The following NFATC1 variants were observed in gnomAD, a reference collection of about 807,000 sequenced individuals.
NFATC1 encodes the protein nuclear factor of activated T-cells, cytoplasmic 1.
In NFATC1, 22 loss-of-function variants were observed where a neutral mutation model predicts 76.0. The ratio of observed to expected loss-of-function variants is 0.29; its 90% confidence interval spans 0.21 to 0.41. The LOEUF (loss-of-function observed/expected upper bound fraction) is 0.41, where lower values mean the gene tolerates loss of function less well. NFATC1 is among the 10% of genes least tolerant of loss of function. NFATC1 has a pLI of 1.00. For synonymous variants in NFATC1, 704 were observed against 613.1 expected, an observed-to-expected ratio of 1.15 and a Z score of -2.19; for missense variants, 1,357 against 1,337.7, an observed-to-expected ratio of 1.01 and a Z score of -0.23.
chr18:79,476,018 G>A (rs1359084509), intron 8 of NFATC1, among the ~76,000 whole-genome samples: 2 of 152,228 alleles, frequency 1.3e-5, no homozygotes, highest in Non-Finnish European at 2.9e-5. Flanking sequence ...GCTCCAGAAG[G>A]GGGGTGGGGC....
intron 9 of NFATC1, among the ~76,000 whole-genome samples, chr18:79,492,517 G>A (rs2089709686): frequency 6.6e-6 from 1 of 152,044 alleles, no homozygotes; most frequent in Non-Finnish European, 1.5e-5. Context: ...AAACCATCCT[G>A]ACTAACATGG....
intron 9 of NFATC1, among the ~76,000 whole-genome samples, chr18:79,500,129 T>C (rs1046274391): frequency 2.6e-5 from 4 of 152,146 alleles, no homozygotes; most frequent in Non-Finnish European, 5.9e-5. Flanking sequence ...AAGACATCTG[T>C]AGGACACTCT....
chr18:79,458,462 G>A (rs895149405), intron 6 of NFATC1, among the ~76,000 whole-genome samples: 3 of 152,044 alleles, frequency 2.0e-5, no homozygotes, highest in Non-Finnish European at 4.4e-5. Flanking sequence ...CAGCACCGGC[G>A]TGGGGGTGGC....
Position 79,528,535 on chromosome 18 carries a change from C to T in NFATC1, c.*958C>T, listed in dbSNP as rs1459523603. 6.6e-6 allele frequency: 1 copy of T among 152,262 alleles called. No homozygotes were observed. The highest frequency in any genetic ancestry group is 1.5e-5 in the Non-Finnish European group (1 of 68,052). The allele number at this position is 152,262 out of a possible 1,614,324, so 9.4% of individuals were successfully genotyped here. On this transcript the variant is annotated 3_prime_UTR_variant, in exon 10 of 10. Transcript: ENST00000427363. Reference sequence around the variant, plus strand: ...TCCATCGCCGCCTCGGACGGCCGTGCATTTTCTCGTCTCACGCAGTTCGAG... The same window carrying T: ...TCCATCGCCGCCTCGGACGGCCGTGTATTTTCTCGTCTCACGCAGTTCGAG...
At chr18:79,520,966 G>T (rs111164327) in intron 9 of NFATC1, among the ~76,000 whole-genome samples, 44 of 84,312 alleles carry the variant, frequency 5.2e-4, no homozygotes, top group South Asian at 9.8e-4. Context: ...TCTGTGTGTG[G>T]GGGGGCATCC....
rs375185294 is a variant in NFATC1, at chr18:79,411,172, G to C, written c.897G>C (p.Ser299=). 8 of 1,611,914 alleles carry C rather than the reference G, an allele frequency of 5.0e-6. No homozygotes were observed. In the African/African-American group the frequency reaches 8.0e-5, roughly 16 times the overall value. The change falls in exon 2 of 10, where the codon TCG becomes TCC. Residue 299 remains serine (S), a synonymous_variant. Transcript: ENST00000427363. The stretch of plus-strand genomic sequence containing the variant: ...CGCGGGTCAGCGTGACCGACGACTC[G>C]TGGTTGGGCAACACCACCCAGTACA... ...GSPRVSVTDD[S]WLGNTTQYTS...
intron 2 of NFATC1, among the ~76,000 whole-genome samples, chr18:79,414,029 A>T (rs1326533822): frequency 2.6e-5 from 4 of 151,998 alleles, no homozygotes; most frequent in African/African-American, 9.7e-5. Flanking sequence ...ACCTTTTCCC[A>T]CTGTTCTGGT....
chr18:79,463,528 G>A (rs74919911), intron 7 of NFATC1, among the ~76,000 whole-genome samples: 2 of 130,424 alleles, frequency 1.5e-5, no homozygotes, highest in East Asian at 4.5e-4. Flanking sequence ...CATTTCCTGT[G>A]CCCATAAGGT....
intron 8 of NFATC1, among the ~76,000 whole-genome samples, chr18:79,476,248 C>T (rs561890127): frequency 5.3e-5 from 8 of 152,372 alleles, no homozygotes; most frequent in East Asian, 1.9e-4. Flanking sequence ...CAGCCGCCTC[C>T]GGGCGGCGTC....
At chr18:79,397,952 G>A (rs542635678) in intron 1 of NFATC1, among the ~76,000 whole-genome samples, 5 of 152,332 alleles carry the variant, frequency 3.3e-5, no homozygotes, top group South Asian at 4.1e-4. Context: ...TGGGCCAGCC[G>A]GAAAGTGTGA....
intron 2 of NFATC1, among the ~76,000 whole-genome samples, chr18:79,430,476 A>G (rs1445562154): frequency 6.6e-6 from 1 of 152,144 alleles, no homozygotes; most frequent in Non-Finnish European, 1.5e-5. Context: ...TCCGCCTCCC[A>G]GGTTCAAGCA....
At chr18:79,514,923 G>T (rs2090342073) in intron 9 of NFATC1, among the ~76,000 whole-genome samples, 2 of 152,028 alleles carry the variant, frequency 1.3e-5, no homozygotes, top group South Asian at 4.2e-4. Flanking sequence ...ATGCACCTGT[G>T]GTCCCACCTA....
intron 8 of NFATC1, 143 bp downstream of exon 8, chr18:79,467,725 T>C: frequency 7.8e-7 from 1 of 1,286,776 alleles, no homozygotes; most frequent in South Asian, 2.4e-5. Flanking sequence ...GACCGAGCCA[T>C]CGATGCCCTG....
At chr18:79,477,078 G>A (rs1204771214) in intron 8 of NFATC1, among the ~76,000 whole-genome samples, 2 of 152,324 alleles carry the variant, frequency 1.3e-5, no homozygotes, top group African/African-American at 4.8e-5. Context: ...ACTGATCTTG[G>A]CTCTGAACAA....
chr18:79,512,899 G>A (rs1195275300), intron 9 of NFATC1, among the ~76,000 whole-genome samples: 1 of 152,242 alleles, frequency 6.6e-6, no homozygotes, highest in East Asian at 1.9e-4. Flanking sequence ...TGAATGTGGG[G>A]TGCTGCCTGC....
intron 1 of NFATC1, among the ~76,000 whole-genome samples, chr18:79,406,197 C>T (rs896529608): frequency 6.6e-6 from 1 of 152,258 alleles, no homozygotes; most frequent in Non-Finnish European, 1.5e-5. Flanking sequence ...TCAGAATTAC[C>T]TTTCTACCAG....
At chr18:79,448,757 C>A in intron 3 of NFATC1, 25 bp from the exon 4 acceptor site, 1 of 1,607,188 alleles carries the variant, frequency 6.2e-7, no homozygotes, top group Non-Finnish European at 8.5e-7. Context: ...GGGTGCTGAG[C>A]AGGTGTTTTC....
rs576960309 is a variant in NFATC1, at chr18:79,512,656, C to T, written c.2783-14872C>T. ...GTCGGTGGGCCCCGTGTGCCTCCCC[C>T]GTTTGCTGAGCCGTGGTCTGTCCAC... On this transcript the variant is annotated intron_variant, in intron 9 of 9. Coordinates refer to ENST00000427363, the MANE Select transcript of NFATC1 (RefSeq NM_001278669.2). 1.3e-4 allele frequency among the ~76,000 whole-genome samples: 20 copies of T among 152,326 alleles called. No homozygotes were observed. The South Asian group carries it at 1.9e-3, about 14-fold the overall frequency.
chr18:79,443,302 C>T (rs1200708198), intron 3 of NFATC1, among the ~76,000 whole-genome samples: 2 of 152,338 alleles, frequency 1.3e-5, no homozygotes, highest in Admixed American at 6.5e-5. Context: ...CACGCACTGT[C>T]ACACACACTT....
Sources: allele counts gnomAD v4.1 joint callset (sites outside exome capture counted in the v4.1 genomes callset), GRCh38; gene constraint gnomAD v4.1.1; transcripts MANE v1.5; gene names NCBI Gene and HGNC (gene_info 2026-07-23, HGNC 2026-07-21).